Variants in PIP5K1C observed in about 807,000 individuals in gnomAD.
PIP5K1C encodes phosphatidylinositol 4-phosphate 5-kinase type-1 gamma.
A neutral mutation model predicts 80.1 loss-of-function variants in PIP5K1C; 45 were observed. That is an observed-to-expected ratio of 0.56 (90% confidence interval 0.44 to 0.72). PIP5K1C has a LOEUF of 0.72. Ranked by LOEUF, PIP5K1C falls within the 30% of genes least tolerant of loss-of-function variation. The probability of loss-of-function intolerance (pLI) is 0.00; values close to 1 mark genes in which losing one functional copy is unlikely to be tolerated. For synonymous variants in PIP5K1C, 498 were observed against 420.1 expected, an observed-to-expected ratio of 1.19 and a Z score of -2.27; for missense variants, 753 against 954.6, an observed-to-expected ratio of 0.79 and a Z score of 2.78.
chr19:3,698,718 C>A (rs1444891778), intron 1 of PIP5K1C, among the ~76,000 whole-genome samples: 1 of 152,196 alleles, frequency 6.6e-6, no homozygotes, highest in African/African-American at 2.4e-5. Flanking sequence ...CGGTGAAGAA[C>A]AAGCAGGCCC....
In PIP5K1C at chr19:3,641,765, G is replaced by A; in HGVS notation, c.1727C>T (p.Thr576Ile). ...GCTGCACGCAGGCTCCACCTGCACTGTAATCTGCTGCAGATCCTCTTCCGC... is the reference window on the plus strand; with the variant it reads ...GCTGCACGCAGGCTCCACCTGCACTATAATCTGCTGCAGATCCTCTTCCGC... The part of the protein sequence containing the change: ...PPAEEDLQQI[T>I]VQVEPACSVE... Residue 576 changes from threonine to isoleucine, a missense_variant, in exon 15 of 18, where the codon ACA (threonine) becomes ATA (isoleucine). This residue lies in a region of PIP5K1C where 315 missense variants were observed against 294.5 expected (regional missense o/e 1.07). Transcript: ENST00000335312. 2 of 1,612,060 alleles carry A rather than the reference G, an allele frequency of 1.2e-6. No individual in the cohort carries two copies. Among genetic ancestry groups the A allele is most frequent in the Non-Finnish European group, 1.7e-6 (2 of 1,180,004 alleles).
intron 1 of PIP5K1C, among the ~76,000 whole-genome samples, chr19:3,671,585 G>A (rs1346730480): frequency 1.3e-5 from 2 of 152,242 alleles, no homozygotes; most frequent in Non-Finnish European, 2.9e-5. Flanking sequence ...AGGTGGAGGT[G>A]GAGCAGGACG....
In PIP5K1C at chr19:3,632,529, C is replaced by T. The variant is rs2033499476; in HGVS notation, c.*638G>A. The T allele has an allele frequency of 6.6e-6, 1 of 152,398 alleles. No homozygotes were observed. The highest frequency in any genetic ancestry group is 2.4e-5 in the African/African-American group (1 of 41,444). The allele number at this position is 152,398 out of a possible 1,614,324, so 9.4% of individuals were successfully genotyped here. On this transcript the variant is annotated 3_prime_UTR_variant, in exon 18 of 18. Coordinates refer to ENST00000335312, the MANE Select transcript of PIP5K1C (RefSeq NM_012398.3). ...CACCTGGGAGGTGGGCGTCAGGGCC[C>T]CACTGCGGCGGGAACATAGCTGCTG...
In PIP5K1C at chr19:3,637,512, G is replaced by C; in HGVS notation, c.1920+1372C>G. 6.5e-7 allele frequency: 1 copy of C among 1,535,596 alleles called. No individual in the cohort carries two copies. The highest frequency in any genetic ancestry group is 8.7e-7 in the Non-Finnish European group (1 of 1,146,752). On this transcript the variant is annotated intron_variant, in intron 16 of 17. Coordinates refer to ENST00000335312, the MANE Select transcript of PIP5K1C (RefSeq NM_012398.3). The surrounding 1 kb of genome is among the most constrained non-coding windows in gnomAD (Gnocchi z 7.0). ...CGAGGGGCACTGCCCCTTCTCCCCA[G>C]GGTGGCCGGCTGCGGTCACTTACAG... is the stretch of plus-strand genomic sequence containing the variant.
At chr19:3,642,986 G>A (rs951954775) in intron 13 of PIP5K1C, 47 bp from the exon 14 acceptor site, 5 of 1,605,838 alleles carry the variant, frequency 3.1e-6, no homozygotes, top group African/African-American at 1.3e-5. Flanking sequence ...AGAGTGGCCC[G>A]CCTGCTCAGT....
At chr19:3,666,832 G>C (rs1483473382) in intron 2 of PIP5K1C, among the ~76,000 whole-genome samples, 1 of 151,800 alleles carries the variant, frequency 6.6e-6, no homozygotes, top group African/African-American at 2.4e-5. Context: ...TGCACACATA[G>C]GCTGCACACA....
At chr19:3,684,685 G>C (rs2145585981) in intron 1 of PIP5K1C, among the ~76,000 whole-genome samples, 1 of 152,370 alleles carries the variant, frequency 6.6e-6, no homozygotes, top group South Asian at 2.1e-4. Flanking sequence ...TGTGGCAGTG[G>C]TTTGTTGCAT....
chr19:3,679,909 G>T (rs2035534151), intron 1 of PIP5K1C, among the ~76,000 whole-genome samples: 1 of 152,250 alleles, frequency 6.6e-6, no homozygotes, highest in East Asian at 1.9e-4. Context: ...AGACGCTCAA[G>T]AAACTTTCTG....
intron 1 of PIP5K1C, among the ~76,000 whole-genome samples, chr19:3,687,492 C>T (rs1449760341): frequency 6.6e-6 from 1 of 152,038 alleles, no homozygotes; most frequent in African/African-American, 2.4e-5. Flanking sequence ...CACAGACGCA[C>T]ATACACGCAC....
In PIP5K1C at chr19:3,638,942, CCCT is replaced by C. The variant is rs775071018; in HGVS notation, c.1859_1861del (p.Glu620del). The C allele has an allele frequency of 6.2e-7, 1 of 1,612,272 alleles. No individual in the cohort carries two copies. The highest frequency in any genetic ancestry group is 8.5e-7 in the Non-Finnish European group (1 of 1,179,876). ...GTCCGAGGCCTGGCTGGCAGGTGCG[CCCT>C]CCTCGTCTGAGGCCTGGCTGGCAGT... On this transcript the variant is annotated inframe_deletion, in exon 16 of 18. Coordinates refer to ENST00000335312, the MANE Select transcript of PIP5K1C (RefSeq NM_012398.3).
At position 3,674,595 on chromosome 19, in the gene PIP5K1C, C is replaced by T. The variant is rs898121857; in HGVS notation, c.95-7242G>A. Among the ~76,000 whole-genome samples, 26 of 151,754 alleles carry T rather than the reference C, an allele frequency of 1.7e-4. No homozygotes were observed. In the East Asian group the frequency reaches 3.1e-3, roughly 18 times the overall value. On this transcript the variant is annotated intron_variant, in intron 1 of 17. Coordinates refer to ENST00000335312, the MANE Select transcript of PIP5K1C (RefSeq NM_012398.3). ...TCGGCTCACTACAGCCTCCGCCTCCCGGGTTCAAGCGATTCTCCTGCCTCA... is the reference window on the plus strand; with the variant it reads ...TCGGCTCACTACAGCCTCCGCCTCCTGGGTTCAAGCGATTCTCCTGCCTCA...
chr19:3,677,085 G>C (rs148504546), intron 1 of PIP5K1C, among the ~76,000 whole-genome samples: 2 of 151,984 alleles, frequency 1.3e-5, no homozygotes, highest in Non-Finnish European at 2.9e-5. Context: ...CTGGGCAACA[G>C]AGCAAGATCC....
Position 3,643,317 on chromosome 19 carries a change from G to A in PIP5K1C, c.1575C>T (p.Ala525=). 1.2e-6 allele frequency: 2 copies of A among 1,614,030 alleles called. No individual in the cohort carries two copies. The highest frequency in any genetic ancestry group is 1.7e-6 in the Non-Finnish European group (2 of 1,179,986). Residue 525 remains alanine (A), a synonymous_variant, in exon 13 of 18, where the codon GCC becomes GCT. Transcript: ENST00000335312. ...SFEEATTASI[A]TTLSSTSLSI... is the part of the protein sequence containing the mutation. ...AGAGGGATGTGGATGACAGAGTCGT[G>A]GCAATGGAGGCTGTAGTGGCTTCTT...
rs2033432896 is a variant in PIP5K1C at position 3,630,219 on chromosome 19, AGACGGGGTGT to A, written c.*2938_*2947del. On this transcript the variant is annotated 3_prime_UTR_variant, in exon 18 of 18. Transcript: ENST00000335312. ...CGATTTATTAGAGAGATCTCTAAAAAGACGGGGTGTGGCGGGGGTAGGTGGGCGAGGAACC... is the reference window on the plus strand; with the variant it reads ...CGATTTATTAGAGAGATCTCTAAAAAGGCGGGGGTAGGTGGGCGAGGAACC... 1 of 152,584 alleles carries A rather than the reference AGACGGGGTGT, an allele frequency of 6.6e-6. No homozygotes were observed. Among genetic ancestry groups the A allele is most frequent in the South Asian group, 2.1e-4 (1 of 4,828 alleles). 9.5% of individuals were successfully genotyped at this position (152,584 alleles called of 1,614,324 possible).
intron 8 of PIP5K1C, among the ~76,000 whole-genome samples, chr19:3,650,406 G>A (rs1196833900): frequency 6.6e-6 from 1 of 152,260 alleles, no homozygotes; most frequent in Non-Finnish European, 1.5e-5. Context: ...CTGTGACCAG[G>A]GCACAATCTC....
chr19:3,660,931 CA>C (rs1471954804), intron 5 of PIP5K1C, 34 bp downstream of exon 5: 1 of 1,542,866 alleles, frequency 6.5e-7, no homozygotes, highest in South Asian at 1.1e-5. Context: ...TGTTCTGTTT[CA>C]AGCCTGGAAG....
At chr19:3,684,138 C>G (rs1182146952) in intron 1 of PIP5K1C, among the ~76,000 whole-genome samples, 1 of 152,174 alleles carries the variant, frequency 6.6e-6, no homozygotes, top group African/African-American at 2.4e-5. Context: ...CACTGGACCT[C>G]AGGATTCCTC....
At chr19:3,634,533 G>A (rs1036229947) in intron 16 of PIP5K1C, among the ~76,000 whole-genome samples, 7 of 152,278 alleles carry the variant, frequency 4.6e-5, no homozygotes, top group African/African-American at 7.2e-5. Context: ...GGCGGCCCTC[G>A]GCCCCTAAAC....
rs564719169 is a variant in PIP5K1C, at chr19:3,633,021, G to C, written c.*146C>G. On this transcript the variant is annotated 3_prime_UTR_variant, in exon 18 of 18. Transcript: ENST00000335312. Reference sequence around the variant, plus strand: ...CTTGTCGGGGAGGGGCCCGGCCGTCGGCATCCGTGCAGGGGGAGGACGAGG... The same window carrying C: ...CTTGTCGGGGAGGGGCCCGGCCGTCCGCATCCGTGCAGGGGGAGGACGAGG... The C allele has an allele frequency of 9.0e-6, 5 of 558,360 alleles. No individual in the cohort carries two copies. Among genetic ancestry groups the C allele is most frequent in the Non-Finnish European group, 1.6e-5 (5 of 309,056 alleles). 34.6% of individuals were successfully genotyped at this position (558,360 alleles called of 1,614,324 possible). A position where few individuals can be genotyped will look rare whatever the true frequency, so the allele number is the denominator to read the frequency against.
Sources: gnomAD v4.1 joint callset for allele counts (sites outside exome capture counted in the v4.1 genomes callset) on GRCh38, gnomAD v4.1.1 for gene constraint, gnomAD v4.1.1 regional missense constraint, Gnocchi (gnomAD v3.1) non-coding constraint, MANE v1.5 for transcripts, NCBI Gene and HGNC (gene_info 2026-07-23, HGNC 2026-07-21) for gene names.